The following TDRD1 variants were observed in gnomAD, a reference collection of about 807,000 sequenced individuals.
TDRD1 encodes the protein tudor domain-containing protein 1.
Under a neutral mutation model 140.6 loss-of-function variants are expected in TDRD1, and 37 were observed. That is an observed-to-expected ratio of 0.26 (90% CI 0.20 to 0.35). TDRD1 has a LOEUF of 0.35. Ranked by LOEUF, TDRD1 falls within the 10% of genes least tolerant of loss-of-function variation. The pLI, the probability that TDRD1 is intolerant of heterozygous loss-of-function variation, is 1.00. For synonymous variants in TDRD1, 506 were observed against 475.7 expected (o/e 1.06, Z -0.83); for missense variants, 1,243 against 1,393.0 (o/e 0.89, Z 1.71).
chr10:114,222,987 T>G (rs1564694825), intron 21 of TDRD1, among the ~76,000 whole-genome samples: 1 of 152,254 alleles, frequency 6.6e-6, no homozygotes, highest in Non-Finnish European at 1.5e-5. Flanking sequence ...TCAGTCACAT[T>G]ACATTTCTTT....
intron 1 of TDRD1, 67 bp downstream of exon 1, chr10:114,179,483 TCGTTGGGGGCCAGA>T (rs1257068760): frequency 6.6e-6 from 1 of 151,006 alleles, no homozygotes; most frequent in Non-Finnish European, 1.5e-5. Context: ...GGGGCTTCGG[TCGTTGGGGGCCAGA>T]CGTTGGGCGC....
chr10:114,205,414 G>A (rs1330186423), intron 10 of TDRD1, among the ~76,000 whole-genome samples: 1 of 152,144 alleles, frequency 6.6e-6, no homozygotes, highest in Non-Finnish European at 1.5e-5. Flanking sequence ...TGGCATCATG[G>A]CTGATTTGGT....
intron 3 of TDRD1, among the ~76,000 whole-genome samples, chr10:114,191,741 A>G (rs564154204): frequency 1.3e-5 from 2 of 152,236 alleles, no homozygotes; most frequent in Non-Finnish European, 2.9e-5. Context: ...TGTCCAGGGT[A>G]CAATTTCTGG....
At chr10:114,212,448 A>G (rs190248705) in intron 14 of TDRD1, among the ~76,000 whole-genome samples, 126 of 152,322 alleles carry the variant, frequency 8.3e-4, no homozygotes, top group Non-Finnish European at 1.5e-3. Flanking sequence ...CCTAGTTTAC[A>G]TGCCCAACGA....
intron 3 of TDRD1, among the ~76,000 whole-genome samples, chr10:114,195,307 C>T (rs1166974829): frequency 6.6e-6 from 1 of 152,118 alleles, no homozygotes; most frequent in African/African-American, 2.4e-5. Flanking sequence ...AAGAATGTGC[C>T]TCGTCTGTTG....
At chr10:114,214,859 T>A (rs533631859) in intron 16 of TDRD1, among the ~76,000 whole-genome samples, 4 of 152,080 alleles carry the variant, frequency 2.6e-5, no homozygotes, top group Admixed American at 2.6e-4. Context: ...TGTCTCAGCC[T>A]CCTGAGTAGC....
At chr10:114,184,482 A>G (rs1429904699) in intron 1 of TDRD1, among the ~76,000 whole-genome samples, 2 of 152,208 alleles carry the variant, frequency 1.3e-5, no homozygotes, top group African/African-American at 4.8e-5. Flanking sequence ...AATGTGTTGC[A>G]GGAAGAAAGG....
chr10:114,183,692 A>T (rs967204947), intron 1 of TDRD1, among the ~76,000 whole-genome samples: 13 of 149,524 alleles, frequency 8.7e-5, no homozygotes, highest in Non-Finnish European at 1.8e-4. Flanking sequence ...TAAAGCCATC[A>T]CAGTTAACTT....
intron 2 of TDRD1, among the ~76,000 whole-genome samples, chr10:114,190,097 T>A (rs2033850578): frequency 6.6e-6 from 1 of 152,200 alleles, no homozygotes. Flanking sequence ...AACTTTTTTT[T>A]TCAGATACCA....
rs752788574 is a variant in TDRD1 at position 114,221,349 on chromosome 10, G to T, written c.2771-8G>T. On this transcript the variant is annotated splice_polypyrimidine_tract_variant and splice_region_variant and intron_variant, in intron 19 of 25. Transcript: ENST00000251864. ...TCCGTGTGAGACCTGTGTTTTGTAT[G>T]TTTCCAGCTACCTCTTCAGCTGAGC... 6.8e-6 allele frequency: 11 copies of T among 1,612,410 alleles called. No homozygotes were observed. Among genetic ancestry groups the T allele is most frequent in the Non-Finnish European group, 9.3e-6 (11 of 1,179,188 alleles).
Position 114,213,326 on chromosome 10 carries a change from C to G in TDRD1, c.1832-20C>G. On this transcript the variant is annotated intron_variant, in intron 14 of 25. Transcript: ENST00000251864. ...ATGCTTTCAGAATAATTGTAACATT[C>G]ATTCAAAATTCTTTGTTAGGAGTAA... 1.3e-6 allele frequency: 2 copies of G among 1,594,028 alleles called. No individual in the cohort carries two copies. Among genetic ancestry groups the G allele is most frequent in the Non-Finnish European group, 1.7e-6 (2 of 1,168,444 alleles).
At chr10:114,190,994 A>G in exon 3 of TDRD1, 1 of 1,614,082 alleles carries the variant, frequency 6.2e-7, no homozygotes, top group African/African-American at 1.3e-5. Flanking sequence ...GCTGAAAGTA[A>G]TTCACCACCC....
chr10:114,188,559 G>A (rs150665987), intron 2 of TDRD1, among the ~76,000 whole-genome samples: 42 of 152,106 alleles, frequency 2.8e-4, no homozygotes, highest in East Asian at 1.9e-4. Context: ...TTTAGTTCCC[G>A]TTCTAAAAAC....
At chr10:114,214,392 T>C in intron 16 of TDRD1, among the ~76,000 whole-genome samples, 1 of 152,202 alleles carries the variant, frequency 6.6e-6, no homozygotes, top group Non-Finnish European at 1.5e-5. Flanking sequence ...CCTGGTATAG[T>C]GGCTCACTCC....
At chr10:114,225,930 G>A (rs188409812) in intron 21 of TDRD1, 119 bp from the exon 22 acceptor site, 5 of 826,668 alleles carry the variant, frequency 6.0e-6, no homozygotes, top group African/African-American at 3.4e-5. Context: ...AATTTGAACT[G>A]TAACCAGAAA....
chr10:114,200,961 C>A (rs539676199), intron 4 of TDRD1, among the ~76,000 whole-genome samples: 1 of 146,098 alleles, frequency 6.8e-6, no homozygotes, highest in African/African-American at 2.5e-5. Flanking sequence ...GTTCGAGATT[C>A]TCCTGCTTCA....
chr10:114,184,512 C>G (rs1262778626), intron 1 of TDRD1, among the ~76,000 whole-genome samples: 1 of 152,200 alleles, frequency 6.6e-6, no homozygotes, highest in Non-Finnish European at 1.5e-5. Context: ...CTGTGCTAGC[C>G]ACATCTGTTC....
At chr10:114,197,789 C>T (rs1446281500) in intron 3 of TDRD1, among the ~76,000 whole-genome samples, 1 of 151,934 alleles carries the variant, frequency 6.6e-6, no homozygotes, top group African/African-American at 2.4e-5. Flanking sequence ...TCCTGAGTAA[C>T]TGGGATTATG....
intron 1 of TDRD1, among the ~76,000 whole-genome samples, chr10:114,181,201 G>C (rs1225991896): frequency 2.0e-5 from 3 of 152,206 alleles, no homozygotes; most frequent in Non-Finnish European, 4.4e-5. Context: ...CTTTAACGTA[G>C]AGAAATGTTG....
Sources: allele counts gnomAD v4.1 joint callset (sites outside exome capture counted in the v4.1 genomes callset), GRCh38; gene constraint gnomAD v4.1.1; transcripts MANE v1.5; gene names NCBI Gene and HGNC (gene_info 2026-07-23, HGNC 2026-07-21).